GPR39: variants seen among roughly 807,000 people sequenced by gnomAD.
The protein encoded by GPR39 is zinc sensing receptor.
A neutral mutation model predicts 18.4 loss-of-function variants in GPR39; 23 were observed. The ratio of observed to expected loss-of-function variants is 1.25; its 90% confidence interval spans 0.90 to 1.77. The LOEUF (loss-of-function observed/expected upper bound fraction) is 1.77. GPR39 is among the 40% of genes most tolerant of loss of function. The pLI, the probability that GPR39 is intolerant of heterozygous loss-of-function variation, is 0.00. For synonymous variants in GPR39, 280 were observed against 257.9 expected, an observed-to-expected ratio of 1.09 and a Z score of -0.82; for missense variants, 647 against 602.4, an observed-to-expected ratio of 1.07 and a Z score of -0.78.
At chr2:132,484,339 A>C (rs1681291262) in intron 1 of GPR39, among the ~76,000 whole-genome samples, 1 of 152,254 alleles carries the variant, frequency 6.6e-6, no homozygotes, top group South Asian at 2.1e-4. Context: ...GCTTAAAATA[A>C]GTTTAAAATG....
intron 1 of GPR39, among the ~76,000 whole-genome samples, chr2:132,530,883 C>A (rs537032663): frequency 6.6e-6 from 1 of 152,194 alleles, no homozygotes; most frequent in Admixed American, 6.5e-5. Context: ...CAACTTGTAC[C>A]AGCCACTGCA....
intron 1 of GPR39, among the ~76,000 whole-genome samples, chr2:132,547,030 G>T (rs967517543): frequency 7.2e-5 from 11 of 152,010 alleles, no homozygotes; most frequent in Admixed American, 4.6e-4. Context: ...GGAGCAAGAT[G>T]CTGTGTTTCC....
At chr2:132,463,116 C>T (rs1680863439) in intron 1 of GPR39, among the ~76,000 whole-genome samples, 1 of 152,146 alleles carries the variant, frequency 6.6e-6, no homozygotes, top group African/African-American at 2.4e-5. Flanking sequence ...ATCCATCAGA[C>T]AATGAAACTG....
intron 1 of GPR39, among the ~76,000 whole-genome samples, chr2:132,429,425 C>T (rs1680185677): frequency 2.6e-5 from 4 of 152,216 alleles, no homozygotes; most frequent in Admixed American, 2.6e-4. Context: ...CTTTTTATCT[C>T]TGGGAAATTT....
intron 1 of GPR39, among the ~76,000 whole-genome samples, chr2:132,515,418 A>G (rs1679315374): frequency 6.6e-6 from 1 of 152,230 alleles, no homozygotes; most frequent in Non-Finnish European, 1.5e-5. Context: ...TACATTCAAT[A>G]AATAAATATT....
intron 1 of GPR39, among the ~76,000 whole-genome samples, chr2:132,532,799 T>A (rs1339590579): frequency 6.8e-6 from 1 of 146,412 alleles, no homozygotes; most frequent in Non-Finnish European, 1.5e-5. Flanking sequence ...TCAACAACCC[T>A]TCATGCTAAA....
intron 1 of GPR39, among the ~76,000 whole-genome samples, chr2:132,438,647 G>A (rs940081486): frequency 7.3e-6 from 1 of 137,568 alleles, no homozygotes; most frequent in Admixed American, 8.0e-5. Context: ...AGTACTATGT[G>A]GTCCCATAAA....
chr2:132,521,647 A>G (rs374859542), intron 1 of GPR39, among the ~76,000 whole-genome samples: 4 of 152,130 alleles, frequency 2.6e-5, no homozygotes, highest in Admixed American at 6.5e-5. Flanking sequence ...CATACAACCA[A>G]TTTCACCAGA....
At chr2:132,455,738 A>T (rs7594076) in intron 1 of GPR39, among the ~76,000 whole-genome samples, 1 of 151,866 alleles carries the variant, frequency 6.6e-6, no homozygotes, top group South Asian at 2.1e-4. Flanking sequence ...TTTGTTATGT[A>T]CCCAGTAGTC....
chr2:132,514,701 TAA>T (rs1679301114), intron 1 of GPR39, among the ~76,000 whole-genome samples: 1 of 152,152 alleles, frequency 6.6e-6, no homozygotes, highest in Admixed American at 6.5e-5. Flanking sequence ...GTGGAAGAGA[TAA>T]TGATTACATC....
At chr2:132,614,284 G>A (rs977836064) in intron 1 of GPR39, among the ~76,000 whole-genome samples, 1 of 151,956 alleles carries the variant, frequency 6.6e-6, no homozygotes, top group Non-Finnish European at 1.5e-5. Flanking sequence ...TCGGCTCACT[G>A]CAACCTCCAT....
At chr2:132,420,454 C>T (rs1679989070) in intron 1 of GPR39, among the ~76,000 whole-genome samples, 1 of 152,136 alleles carries the variant, frequency 6.6e-6, no homozygotes, top group African/African-American at 2.4e-5. Flanking sequence ...TGCTTTGGGG[C>T]ATTTTTAACC....
At chr2:132,645,057 G>T in intron 1 of GPR39, 44 bp from the exon 2 acceptor site, 1 of 1,573,532 alleles carries the variant, frequency 6.4e-7, no homozygotes, top group Non-Finnish European at 8.6e-7. Context: ...CTCATGCTGT[G>T]TTTTTCTTTT....
chr2:132,471,652 G>GT (rs60886637), intron 1 of GPR39, among the ~76,000 whole-genome samples: 2,470 of 138,288 alleles, frequency 0.018, 11 homozygotes, highest in Non-Finnish European at 0.023. Context: ...CCAGCAAGGA[G>GT]TTTTTTTTTT....
At chr2:132,423,094 A>G (rs1379843943) in intron 1 of GPR39, among the ~76,000 whole-genome samples, 1 of 151,900 alleles carries the variant, frequency 6.6e-6, no homozygotes, top group Non-Finnish European at 1.5e-5. Flanking sequence ...CATTTGGAGG[A>G]CACTGTCGAC....
intron 1 of GPR39, among the ~76,000 whole-genome samples, chr2:132,580,514 T>C (rs1273067961): frequency 1.3e-5 from 2 of 152,216 alleles, no homozygotes; most frequent in Admixed American, 6.5e-5. Context: ...ACACTTTTAT[T>C]TATATGCTAA....
intron 1 of GPR39, among the ~76,000 whole-genome samples, chr2:132,614,408 T>A (rs1681295723): frequency 6.6e-6 from 1 of 151,324 alleles, no homozygotes; most frequent in Non-Finnish European, 1.5e-5. Flanking sequence ...GGTTTCACCA[T>A]GTTGCTCTCT....
chr2:132,477,403 C>T (rs1212202729), intron 1 of GPR39, among the ~76,000 whole-genome samples: 1 of 152,060 alleles, frequency 6.6e-6, no homozygotes, highest in Non-Finnish European at 1.5e-5. Context: ...CCCATCTCTA[C>T]AAAAGAGGAA....
chr2:132,554,843 A>ATCTC (rs1680118655), intron 1 of GPR39, among the ~76,000 whole-genome samples: 2 of 152,198 alleles, frequency 1.3e-5, no homozygotes, highest in Admixed American at 6.5e-5. Context: ...TAGTGCACAC[A>ATCTC]TCTCTCCCAC....
Sources: gnomAD v4.1 joint callset for allele counts (sites outside exome capture counted in the v4.1 genomes callset) on GRCh38, gnomAD v4.1.1 for gene constraint, MANE v1.5 for transcripts, NCBI Gene and HGNC (gene_info 2026-07-23, HGNC 2026-07-21) for gene names.